Variants in SORCS1 observed in about 807,000 individuals in gnomAD.
The protein encoded by SORCS1 is VPS10 domain-containing receptor SorCS1.
In SORCS1, 60 loss-of-function variants were observed where a neutral mutation model predicts 146.1. The ratio of observed to expected loss-of-function variants is 0.41; its 90% CI spans 0.33 to 0.51. The LOEUF (loss-of-function observed/expected upper bound fraction) is 0.51, where lower values mean the gene tolerates loss of function less well. Ranked by LOEUF, SORCS1 falls within the 20% of genes least tolerant of loss-of-function variation. The pLI, the probability that SORCS1 is intolerant of heterozygous loss-of-function variation, is 0.21. For missense variants in SORCS1, 1,352 were observed against 1,487.6 expected (o/e 0.91, Z 1.50); for synonymous variants, 637 against 584.0 (o/e 1.09, Z -1.31).
At chr10:106,724,729 C>G (rs1177696313) in intron 6 of SORCS1, among the ~76,000 whole-genome samples, 1 of 152,134 alleles carries the variant, frequency 6.6e-6, no homozygotes, top group African/African-American at 2.4e-5. Context: ...ACAACACACT[C>G]CATGGGGAAG....
intron 1 of SORCS1, among the ~76,000 whole-genome samples, chr10:107,089,372 T>C (rs902719580): frequency 1.3e-5 from 2 of 152,158 alleles, no homozygotes; most frequent in African/African-American, 4.8e-5. Flanking sequence ...CCAACACATA[T>C]GAGTAGTGTA....
intron 1 of SORCS1, among the ~76,000 whole-genome samples, chr10:107,117,218 G>A (rs1331117005): frequency 2.0e-5 from 3 of 152,118 alleles, no homozygotes; most frequent in African/African-American, 7.2e-5. Flanking sequence ...ACCCAAGCAG[G>A]AAAACTGCCA....
intron 1 of SORCS1, among the ~76,000 whole-genome samples, chr10:106,985,539 C>CTT (rs575357494): frequency 2.7e-4 from 36 of 135,064 alleles, no homozygotes; most frequent in Non-Finnish European, 3.7e-4. Flanking sequence ...TTCACTTAAG[C>CTT]TTTTTTTTTT....
rs148239041 is a variant in SORCS1, at chr10:106,671,364, C to T, written c.2062G>A (p.Glu688Lys). The T allele has an allele frequency of 3.4e-5, 55 of 1,613,858 alleles. No homozygotes were observed. Among genetic ancestry groups the T allele is most frequent in the Non-Finnish European group, 4.5e-5 (53 of 1,179,954 alleles). Residue 688 changes from glutamate to lysine, a missense_variant, in exon 16 of 26, where the codon GAA becomes AAA. By Grantham distance (56) the Glu-to-Lys change is moderately conservative (BLOSUM62 1). This residue lies in a region of SORCS1 where 648 missense variants were observed against 793.8 expected (regional missense o/e 0.82). Coordinates refer to ENST00000263054, the MANE Select transcript of SORCS1 (RefSeq NM_052918.5). ...CTTTTTGCTCCCATGATACATGCTT[C>T]CCCCTGTAAGCAGAGAAGGATCACA... The part of the protein sequence containing the change: ...YRPWQLHSQG[E>K]ACIMGAKRIY...
intron 1 of SORCS1, among the ~76,000 whole-genome samples, chr10:107,160,490 A>T (rs1286339381): frequency 5.9e-5 from 9 of 152,250 alleles, no homozygotes; most frequent in Non-Finnish European, 1.0e-4. Flanking sequence ...GACTCAATTT[A>T]TTCACTAATG....
At chr10:106,642,774 T>A (rs1849158617) in intron 18 of SORCS1, among the ~76,000 whole-genome samples, 1 of 152,188 alleles carries the variant, frequency 6.6e-6, no homozygotes, top group Non-Finnish European at 1.5e-5. Context: ...AAAGGCATCA[T>A]TTTCCAAAGA....
rs535427758 is a variant in SORCS1 at position 106,629,228 on chromosome 10, C to T, written c.2636G>A (p.Ser879Asn). Residue 879 changes from serine to asparagine, a missense_variant, in exon 19 of 26, where the codon AGC becomes AAC. By Grantham distance (46) the Ser-to-Asn change is conservative (BLOSUM62 1). Coordinates refer to ENST00000263054, the MANE Select transcript of SORCS1 (RefSeq NM_052918.5). ...AGTTACATGTAAGTACAGGACGGCG[C>T]TGTCAGAACCCAGACTGTTGTCCAC... ...VQVDNSLGSD[S>N]AVLYLHVTCP... is the part of the protein sequence containing the mutation. 171 of 1,614,030 alleles carry T rather than the reference C, an allele frequency of 1.1e-4. No homozygotes were observed. Among genetic ancestry groups the T allele is most frequent in the South Asian group, 5.9e-4 (54 of 91,052 alleles).
intron 1 of SORCS1, among the ~76,000 whole-genome samples, chr10:107,031,315 C>A (rs1056200804): frequency 1.4e-5 from 2 of 145,006 alleles, no homozygotes; most frequent in Non-Finnish European, 2.9e-5. Context: ...TCAACCCTTG[C>A]CAGATTTTTT....
At chr10:106,595,858 C>A (rs905508860) in intron 24 of SORCS1, among the ~76,000 whole-genome samples, 2 of 152,188 alleles carry the variant, frequency 1.3e-5, no homozygotes, top group African/African-American at 4.8e-5. Flanking sequence ...ACCACCTACT[C>A]CATGAAACAA....
chr10:106,717,493 G>A (rs769587129), intron 6 of SORCS1, among the ~76,000 whole-genome samples: 1 of 152,226 alleles, frequency 6.6e-6, no homozygotes, highest in Non-Finnish European at 1.5e-5. Flanking sequence ...GGCATGATGA[G>A]TGTGATTTAG....
At chr10:107,102,911 C>CA (rs905238043) in intron 1 of SORCS1, among the ~76,000 whole-genome samples, 8 of 152,144 alleles carry the variant, frequency 5.3e-5, no homozygotes, top group Non-Finnish European at 1.0e-4. Flanking sequence ...TGAGGAGTCA[C>CA]AAAAATTGCT....
chr10:106,930,526 T>A (rs565328724), intron 2 of SORCS1, among the ~76,000 whole-genome samples: 1 of 152,326 alleles, frequency 6.6e-6, no homozygotes, highest in Middle Eastern at 3.4e-3. Context: ...TGTATGTTCA[T>A]GTGTGTATTT....
chr10:107,177,399 T>C, the SORCS1 span, among the ~76,000 whole-genome samples: 1 of 152,198 alleles, frequency 6.6e-6, no homozygotes, highest in Non-Finnish European at 1.5e-5. Context: ...ATCAGGATAT[T>C]GATATTATGA....
At chr10:106,962,779 C>G (rs113732883) in intron 1 of SORCS1, among the ~76,000 whole-genome samples, 17 of 152,244 alleles carry the variant, frequency 1.1e-4, no homozygotes, top group African/African-American at 4.1e-4. Context: ...TTGCTCTTGC[C>G]TGGGGTGGGC....
intron 3 of SORCS1, among the ~76,000 whole-genome samples, chr10:106,782,232 C>T (rs541800521): frequency 2.0e-5 from 3 of 152,116 alleles, no homozygotes; most frequent in Non-Finnish European, 4.4e-5. Flanking sequence ...TAATGAGGAT[C>T]CACAGACTCA....
In SORCS1 at chr10:106,844,045, A is replaced by G. The variant is rs144513759; in HGVS notation, c.627-14372T>C. Among the ~76,000 whole-genome samples the G allele has an allele frequency of 5.9e-5, 9 of 152,268 alleles. No homozygotes were observed. The East Asian group carries it at 1.7e-3, about 29-fold the overall frequency. Reference sequence around the variant, plus strand: ...ACAAGGGTTCCCTTTGCTCCACATCACTTGTTATCTTTTGATATTTTGATA... The same window carrying G: ...ACAAGGGTTCCCTTTGCTCCACATCGCTTGTTATCTTTTGATATTTTGATA... On this transcript the variant is annotated intron_variant, in intron 2 of 25. Transcript: ENST00000263054.
chr10:106,623,890 G>A (rs1355187972), intron 19 of SORCS1, among the ~76,000 whole-genome samples: 1 of 151,912 alleles, frequency 6.6e-6, no homozygotes, highest in African/African-American at 2.4e-5. Flanking sequence ...CACCATGTTG[G>A]CCAGGCTGGT....
At chr10:106,844,932 T>C (rs371462486) in intron 2 of SORCS1, among the ~76,000 whole-genome samples, 1 of 149,648 alleles carries the variant, frequency 6.7e-6, no homozygotes, top group East Asian at 2.0e-4. Context: ...TATGGCTGCA[T>C]AGTATTCCAT....
At chr10:107,176,549 A>C in the SORCS1 span, among the ~76,000 whole-genome samples, 3 of 151,948 alleles carry the variant, frequency 2.0e-5, no homozygotes, top group Non-Finnish European at 4.4e-5. Context: ...GTTGCTGCCT[A>C]GGCTGGTCTT....
Sources: gnomAD v4.1 joint callset for allele counts (sites outside exome capture counted in the v4.1 genomes callset) on GRCh38, gnomAD v4.1.1 for gene constraint, gnomAD v4.1.1 regional missense constraint, MANE v1.5 for transcripts, NCBI Gene and HGNC (gene_info 2026-07-23, HGNC 2026-07-21) for gene names.